The following CAMK4 variants were observed in gnomAD, a reference collection of about 807,000 sequenced individuals.
CAMK4 encodes the protein calcium/calmodulin dependent protein kinase IV.
CAMK4 carries 22 observed loss-of-function variants against 44.9 expected under a neutral mutation model. The ratio of observed to expected loss-of-function variants is 0.49; its 90% CI spans 0.35 to 0.70. CAMK4 has a LOEUF of 0.70. Among genes scored for constraint, CAMK4 ranks in the 30% least tolerant of loss-of-function variants. CAMK4 has a pLI of 0.01. For synonymous variants in CAMK4, 218 were observed against 215.4 expected (o/e 1.01, Z -0.11); for missense variants, 498 against 586.8 (o/e 0.85, Z 1.56).
At chr5:111,391,134 C>T (rs1046326951) in intron 4 of CAMK4, among the ~76,000 whole-genome samples, 1 of 152,076 alleles carries the variant, frequency 6.6e-6, no homozygotes, top group Non-Finnish European at 1.5e-5. Context: ...TCTAAAGTCC[C>T]TTGGGGAAAA....
intron 5 of CAMK4, among the ~76,000 whole-genome samples, chr5:111,432,667 T>TATATAG (rs1343602008): frequency 7.2e-6 from 1 of 137,946 alleles, no homozygotes; most frequent in African/African-American, 2.6e-5. Flanking sequence ...TGTGTGTATA[T>TATATAG]ATATATATAT....
chr5:111,254,201 G>A (rs908607975), intron 1 of CAMK4, among the ~76,000 whole-genome samples: 1 of 152,152 alleles, frequency 6.6e-6, no homozygotes, highest in African/African-American at 2.4e-5. Flanking sequence ...TGCCTTCTAG[G>A]GTATAACCAG....
chr5:111,379,085 C>T (rs1751320296), intron 4 of CAMK4, among the ~76,000 whole-genome samples: 1 of 152,140 alleles, frequency 6.6e-6, no homozygotes, highest in African/African-American at 2.4e-5. Flanking sequence ...TATGAGCTCT[C>T]TCTAAGGAGA....
chr5:111,347,192 C>A (rs965194287), intron 2 of CAMK4, among the ~76,000 whole-genome samples: 3 of 151,894 alleles, frequency 2.0e-5, no homozygotes, highest in African/African-American at 7.2e-5. Flanking sequence ...TAAGATCTAG[C>A]CTTTGGGCAT....
chr5:111,308,862 T>C (rs1049573719), intron 1 of CAMK4, among the ~76,000 whole-genome samples: 3 of 152,246 alleles, frequency 2.0e-5, no homozygotes, highest in Non-Finnish European at 2.9e-5. Flanking sequence ...TACATGTATT[T>C]AATTATAGAT....
At chr5:111,483,054 G>T in intron 10 of CAMK4, 117 bp downstream of exon 10, 1 of 875,308 alleles carries the variant, frequency 1.1e-6, no homozygotes, top group East Asian at 3.2e-5. Context: ...ATTTCTTAAG[G>T]CACCAGGGAA....
chr5:111,402,481 A>G (rs1752264097), intron 5 of CAMK4, among the ~76,000 whole-genome samples: 1 of 152,252 alleles, frequency 6.6e-6, no homozygotes, highest in South Asian at 2.1e-4. Flanking sequence ...ACTGAGTGTT[A>G]TGCTTAATGA....
chr5:111,225,660 C>T (rs900567817), intron 1 of CAMK4, among the ~76,000 whole-genome samples: 6 of 152,042 alleles, frequency 3.9e-5, no homozygotes, highest in African/African-American at 1.4e-4. Flanking sequence ...TGCTAACAGC[C>T]TTTTTATTTT....
chr5:111,308,544 A>T (rs976624888), intron 1 of CAMK4, among the ~76,000 whole-genome samples: 3 of 152,218 alleles, frequency 2.0e-5, no homozygotes, highest in African/African-American at 7.2e-5. Context: ...GAAACTTAAA[A>T]ATTAATTTTG....
Position 111,346,114 on chromosome 5 carries a change from GT to G in CAMK4, c.240+2015del, listed in dbSNP as rs567925436. Among the ~76,000 whole-genome samples, 247 of 152,000 alleles carry G rather than the reference GT, an allele frequency of 1.6e-3. 1 individual carries two copies. The highest frequency in any genetic ancestry group is 5.4e-3 in the African/African-American group (226 of 41,514). ...ACCTCAAAGACCAGTTGCCTCTAGC[GT>G]TTCATTCCATATAGGTCACGGAGAC... On this transcript the variant is annotated intron_variant, in intron 2 of 10. Transcript: ENST00000282356.
chr5:111,310,536 A>G (rs1748156944), intron 1 of CAMK4, among the ~76,000 whole-genome samples: 1 of 152,108 alleles, frequency 6.6e-6, no homozygotes, highest in Non-Finnish European at 1.5e-5. Flanking sequence ...TCGCTTTAGG[A>G]CTCAAGCTTA....
intron 5 of CAMK4, among the ~76,000 whole-genome samples, chr5:111,413,365 T>A (rs1450125519): frequency 1.3e-5 from 2 of 151,848 alleles, no homozygotes; most frequent in African/African-American, 2.4e-5. Flanking sequence ...GATCTCGAGG[T>A]CAGGAGTTTG....
At chr5:111,271,833 G>C (rs1310844699) in intron 1 of CAMK4, among the ~76,000 whole-genome samples, 1 of 152,034 alleles carries the variant, frequency 6.6e-6, no homozygotes, top group Non-Finnish European at 1.5e-5. Flanking sequence ...GGTCCTCTAA[G>C]TGTGCCATAA....
intron 2 of CAMK4, chr5:111,365,194 T>C (rs1353019192): frequency 1.3e-5 from 2 of 152,124 alleles, no homozygotes. Flanking sequence ...TTCAGCACAA[T>C]GGACAGGGCC....
At chr5:111,407,304 T>C (rs1752471332) in intron 5 of CAMK4, among the ~76,000 whole-genome samples, 2 of 148,948 alleles carry the variant, frequency 1.3e-5, no homozygotes, top group Admixed American at 1.3e-4. Context: ...TAAGCTGAGA[T>C]CGCGCCACTG....
intron 7 of CAMK4, among the ~76,000 whole-genome samples, chr5:111,469,655 G>A (rs944604907): frequency 6.6e-6 from 1 of 152,206 alleles, no homozygotes; most frequent in East Asian, 1.9e-4. Context: ...CCTGCACGGG[G>A]TGGGAGGGTT....
intron 8 of CAMK4, among the ~76,000 whole-genome samples, chr5:111,474,467 A>G (rs1755168653): frequency 6.6e-6 from 1 of 152,084 alleles, no homozygotes; most frequent in African/African-American, 2.4e-5. Context: ...TTATGAGGGG[A>G]CTAATCCCAT....
intron 1 of CAMK4, among the ~76,000 whole-genome samples, chr5:111,227,556 C>A (rs62376850): frequency 6.6e-6 from 1 of 151,994 alleles, no homozygotes; most frequent in African/African-American, 2.4e-5. Flanking sequence ...ACGGTGACCA[C>A]TGGGGCGATA....
chr5:111,473,232 A>C (rs1446741835), intron 7 of CAMK4, 79 bp from the exon 8 acceptor site: 3 of 944,746 alleles, frequency 3.2e-6, no homozygotes, highest in East Asian at 2.4e-5. Context: ...TGATGAATTT[A>C]TTTCTTTCCC....
Sources: allele counts gnomAD v4.1 joint callset (sites outside exome capture counted in the v4.1 genomes callset), GRCh38; gene constraint gnomAD v4.1.1; transcripts MANE v1.5; gene names NCBI Gene and HGNC (gene_info 2026-07-23, HGNC 2026-07-21).